Variants in KCNH8 observed in about 807,000 individuals in gnomAD.
The protein encoded by KCNH8 is potassium voltage-gated channel subfamily H member 8, also known as voltage-gated delayed rectifier potassium channel KCNH8.
KCNH8 carries 70 observed loss-of-function variants against 103.6 expected under a neutral mutation model. That is an observed-to-expected ratio of 0.68 (90% CI 0.56 to 0.82). The LOEUF (loss-of-function observed/expected upper bound fraction) is 0.82. KCNH8 is among the 40% of genes least tolerant of loss of function. KCNH8 has a pLI of 0.00. For synonymous variants in KCNH8, 498 were observed against 489.4 expected, an observed-to-expected ratio of 1.02 and a Z score of -0.23; for missense variants, 1,217 against 1,329.9, an observed-to-expected ratio of 0.92 and a Z score of 1.32.
intron 1 of KCNH8, among the ~76,000 whole-genome samples, chr3:19,180,372 TG>T (rs1319484226): frequency 2.6e-5 from 4 of 152,152 alleles, no homozygotes; most frequent in Admixed American, 6.5e-5. Context: ...TGCTTCTTGT[TG>T]AAACAATTAT....
At chr3:19,231,461 ATATTT>A (rs1465692460) in intron 1 of KCNH8, among the ~76,000 whole-genome samples, 2 of 152,202 alleles carry the variant, frequency 1.3e-5, no homozygotes, top group Non-Finnish European at 1.5e-5. Context: ...TTTACATTTT[ATATTT>A]TATTTAGTAC....
chr3:19,511,641 G>A (rs910352745), intron 12 of KCNH8, among the ~76,000 whole-genome samples: 1 of 151,934 alleles, frequency 6.6e-6, no homozygotes, highest in Non-Finnish European at 1.5e-5. Flanking sequence ...AGTTTTAAAC[G>A]CTGTGAAAAA....
intron 1 of KCNH8, among the ~76,000 whole-genome samples, chr3:19,173,981 T>C (rs975071053): frequency 3.3e-5 from 5 of 149,768 alleles, no homozygotes; most frequent in African/African-American, 1.3e-4. Flanking sequence ...CTGTGTGTTA[T>C]AATCACATTC....
At position 19,515,421 on chromosome 3, in the gene KCNH8, T is replaced by A; in HGVS notation, c.2535T>A (p.Pro845=). 6.6e-7 allele frequency: 1 copy of A among 1,513,688 alleles called. No individual in the cohort carries two copies. The highest frequency in any genetic ancestry group is 8.9e-7 in the Non-Finnish European group (1 of 1,120,012). 93.8% of individuals were successfully genotyped at this position (1,513,688 alleles called of 1,614,324 possible). The change falls in exon 14 of 16, where the codon CCT becomes CCA. Residue 845 remains proline (P), a synonymous_variant. Transcript: ENST00000328405. ...GATCAGAGCCCAGAATTTCTCCTCC[T>A]CTTGGAGGTAAGATCTATATTTAGT... The part of the protein sequence containing the change: ...RIRSEPRISP[P]LGDPEIGAAV...
At chr3:19,224,233 C>T (rs2063905258) in intron 1 of KCNH8, among the ~76,000 whole-genome samples, 1 of 152,010 alleles carries the variant, frequency 6.6e-6, no homozygotes, top group African/African-American at 2.4e-5. Context: ...CAAATTCTGA[C>T]ATTTTTAAAT....
chr3:19,326,661 A>G (rs2065428965), intron 3 of KCNH8, among the ~76,000 whole-genome samples: 1 of 152,108 alleles, frequency 6.6e-6, no homozygotes, highest in African/African-American at 2.4e-5. Context: ...TTTTGAATAA[A>G]GATAGAGACT....
intron 11 of KCNH8, among the ~76,000 whole-genome samples, chr3:19,494,676 T>A (rs1017713789): frequency 2.6e-5 from 4 of 152,208 alleles, no homozygotes; most frequent in Non-Finnish European, 5.9e-5. Context: ...CATCCATGTG[T>A]CTTTATGGTA....
chr3:19,298,049 C>G (rs2065017845), intron 3 of KCNH8, among the ~76,000 whole-genome samples: 2 of 151,994 alleles, frequency 1.3e-5, no homozygotes, highest in Admixed American at 1.3e-4. Flanking sequence ...CCATTGGAGT[C>G]AAAATATAAA....
intron 5 of KCNH8, among the ~76,000 whole-genome samples, chr3:19,371,554 G>A (rs1422183970): frequency 6.7e-6 from 1 of 150,006 alleles, no homozygotes; most frequent in Admixed American, 6.6e-5. Context: ...CTCCCATTCT[G>A]TAGGTTGCCT....
chr3:19,490,087 C>T (rs143229636), intron 11 of KCNH8, among the ~76,000 whole-genome samples: 236 of 152,340 alleles, frequency 1.5e-3, no homozygotes, highest in African/African-American at 5.5e-3. Flanking sequence ...CAAATGCCTA[C>T]CCGAGAGTGC....
At chr3:19,160,607 G>T (rs909709861) in intron 1 of KCNH8, among the ~76,000 whole-genome samples, 2 of 152,030 alleles carry the variant, frequency 1.3e-5, no homozygotes, top group African/African-American at 2.4e-5. Context: ...AAGCAGCTTT[G>T]CTTTCCATGA....
At chr3:19,419,007 A>G (rs1191688325) in intron 7 of KCNH8, among the ~76,000 whole-genome samples, 1 of 152,184 alleles carries the variant, frequency 6.6e-6, no homozygotes, top group Non-Finnish European at 1.5e-5. Flanking sequence ...GTTAACAAAC[A>G]TGGACATAAC....
chr3:19,230,156 G>GC (rs2063978057), intron 1 of KCNH8, among the ~76,000 whole-genome samples: 1 of 152,116 alleles, frequency 6.6e-6, no homozygotes, highest in Non-Finnish European at 1.5e-5. Context: ...GGGGAAACTG[G>GC]CCCCATGATT....
At chr3:19,214,031 T>C (rs2063795490) in intron 1 of KCNH8, among the ~76,000 whole-genome samples, 1 of 152,150 alleles carries the variant, frequency 6.6e-6, no homozygotes, top group Non-Finnish European at 1.5e-5. Flanking sequence ...CACCCCCGCC[T>C]GCCCGTGGGA....
intron 1 of KCNH8, among the ~76,000 whole-genome samples, chr3:19,175,282 C>T (rs1194472471): frequency 2.7e-5 from 4 of 146,756 alleles, no homozygotes; most frequent in Non-Finnish European, 5.9e-5. Context: ...AGTGCAGTGG[C>T]GCGATCTCGG....
chr3:19,227,984 G>A (rs1248777040), intron 1 of KCNH8, among the ~76,000 whole-genome samples: 2 of 152,124 alleles, frequency 1.3e-5, no homozygotes, highest in African/African-American at 4.8e-5. Flanking sequence ...AATCATGTAA[G>A]CGAGGTATAG....
At chr3:19,267,274 A>T (rs2064525412) in intron 2 of KCNH8, among the ~76,000 whole-genome samples, 5 of 152,102 alleles carry the variant, frequency 3.3e-5, no homozygotes, top group Admixed American at 2.0e-4. Flanking sequence ...ACTTGCACAC[A>T]ACTCAGAAAT....
intron 3 of KCNH8, among the ~76,000 whole-genome samples, chr3:19,291,040 T>G (rs963665032): frequency 1.1e-4 from 17 of 152,224 alleles, no homozygotes; most frequent in Non-Finnish European, 2.5e-4. Flanking sequence ...TAGAGGTGTT[T>G]ATAGTATTCT....
At chr3:19,439,155 C>T (rs2067242485) in intron 8 of KCNH8, among the ~76,000 whole-genome samples, 1 of 152,166 alleles carries the variant, frequency 6.6e-6, no homozygotes, top group South Asian at 2.1e-4. Flanking sequence ...AATACACTTA[C>T]TTTGGAAAGC....
Sources: gnomAD v4.1 joint callset for allele counts (sites outside exome capture counted in the v4.1 genomes callset) on GRCh38, gnomAD v4.1.1 for gene constraint, MANE v1.5 for transcripts, NCBI Gene and HGNC (gene_info 2026-07-23, HGNC 2026-07-21) for gene names.